The following REPS2 variants were observed in gnomAD, a reference collection of about 807,000 sequenced individuals.
REPS2 encodes RALBP1 associated Eps domain containing 2, also known as ralBP1-associated Eps domain-containing protein 2.
In REPS2, 23 loss-of-function variants were observed where a neutral mutation model predicts 53.6. The ratio of observed to expected loss-of-function variants is 0.43; its 90% CI spans 0.31 to 0.61. The LOEUF (loss-of-function observed/expected upper bound fraction) is 0.61, where lower values mean the gene tolerates loss of function less well. Among genes scored for constraint, REPS2 ranks in the 20% least tolerant of loss-of-function variants. The pLI is 0.11. For missense variants in REPS2, 446 were observed against 534.9 expected, an observed-to-expected ratio of 0.83 and a Z score of 1.64; for synonymous variants, 238 against 218.6, an observed-to-expected ratio of 1.09 and a Z score of -0.78.
chrX:17,128,578 C>CGTGGGCCTCCCCGT (rs1418276635), intron 14 of REPS2, among the ~76,000 whole-genome samples: 3 of 112,060 alleles, frequency 2.7e-5, no homozygotes, highest in Non-Finnish European at 5.6e-5. Context: ...TCCCCGTACC[C>CGTGGGCCTCCCCGT]ATGTCCCAAG....
At chrX:17,111,054 A>G (rs2062963502) in intron 14 of REPS2, among the ~76,000 whole-genome samples, 1 of 111,790 alleles carries the variant, frequency 8.9e-6, no homozygotes, top group South Asian at 3.7e-4. Context: ...AGCATTTTGG[A>G]TTTTGTATTT....
intron 1 of REPS2, among the ~76,000 whole-genome samples, chrX:16,982,579 A>G (rs6632941): frequency 3.9e-4 from 44 of 112,123 alleles, no homozygotes; most frequent in African/African-American, 1.3e-3. Flanking sequence ...TTCTTCTAGT[A>G]TAGAATGTTA....
At chrX:16,959,322 C>T (rs1271001024) in intron 1 of REPS2, among the ~76,000 whole-genome samples, 1 of 112,046 alleles carries the variant, frequency 8.9e-6, no homozygotes, top group Non-Finnish European at 1.9e-5. Context: ...TGGCCTCACT[C>T]CTGGGCTCAA....
In REPS2 at chrX:17,150,224, C is replaced by T. The variant is rs1181021624; in HGVS notation, c.*2743C>T. 2 of 112,187 alleles carry T rather than the reference C, an allele frequency of 1.8e-5. No homozygotes were observed. Among genetic ancestry groups the T allele is most frequent in the African/African-American group, 3.3e-5 (1 of 30,705 alleles). 9.2% of individuals were successfully genotyped at this position (112,187 alleles called of 1,213,427 possible). A position where few individuals can be genotyped will look rare whatever the true frequency, so the allele number is the denominator to read the frequency against. ...CCTTTAATGTGATTTATAAGATGGC[C>T]GAATTACTGAAATCACCATTATACC... On this transcript the variant is annotated 3_prime_UTR_variant, in exon 18 of 18. Coordinates refer to ENST00000357277, the MANE Select transcript of REPS2 (RefSeq NM_004726.3).
chrX:17,146,241 T>A (rs150649801), intron 17 of REPS2, among the ~76,000 whole-genome samples: 1,448 of 111,413 alleles, frequency 0.013, 7 homozygotes, highest in Middle Eastern at 0.064. Flanking sequence ...TTCCTGCCAA[T>A]GTCTTCCTTG....
At chrX:17,059,763 A>G (rs972346458) in intron 8 of REPS2, among the ~76,000 whole-genome samples, 1 of 110,876 alleles carries the variant, frequency 9.0e-6, no homozygotes, top group Admixed American at 9.6e-5. Flanking sequence ...CACCCACCAC[A>G]CCTGGCCTGT....
chrX:17,025,312 C>T, intron 4 of REPS2, 127 bp downstream of exon 4: 2 of 717,186 alleles, frequency 2.8e-6, no homozygotes, highest in Non-Finnish European at 1.9e-6. Flanking sequence ...AAACATGGCT[C>T]AATTTAATTT....
At chrX:16,962,670 T>C (rs1190514308) in intron 1 of REPS2, among the ~76,000 whole-genome samples, 1 of 112,050 alleles carries the variant, frequency 8.9e-6, no homozygotes, top group Non-Finnish European at 1.9e-5. Context: ...CTCTTACCTC[T>C]TCTCCCCACA....
In REPS2 at chrX:16,946,724, C is replaced by CGTGGGGGTG; in HGVS notation, c.-133_-125dup. 7 of 635,739 alleles carry CGTGGGGGTG rather than the reference C, an allele frequency of 1.1e-5. No individual in the cohort carries two copies. Among genetic ancestry groups the CGTGGGGGTG allele is most frequent in the Non-Finnish European group, 1.3e-5 (7 of 541,866 alleles). 52.4% of individuals were successfully genotyped at this position (635,739 alleles called of 1,213,427 possible). On this transcript the variant is annotated 5_prime_UTR_variant, in exon 1 of 18. Coordinates refer to ENST00000357277, the MANE Select transcript of REPS2 (RefSeq NM_004726.3). Reference sequence around the variant, plus strand: ...AAGCGGCCGCGCGGCAGCTGCGGGGCGTGGGGGTGGTGGTGGCGGCGGCGG... The same window carrying CGTGGGGGTG: ...AAGCGGCCGCGCGGCAGCTGCGGGGCGTGGGGGTGGTGGGGGTGGTGGTGGCGGCGGCGG...
chrX:17,134,864 C>T (rs2063343306), intron 15 of REPS2, among the ~76,000 whole-genome samples: 1 of 110,330 alleles, frequency 9.1e-6, no homozygotes, highest in African/African-American at 3.3e-5. Flanking sequence ...CCTCGTGATC[C>T]GACCGTCTCG....
At chrX:17,063,697 T>G (rs752738573) in intron 9 of REPS2, among the ~76,000 whole-genome samples, 1 of 111,499 alleles carries the variant, frequency 9.0e-6, no homozygotes, top group Non-Finnish European at 1.9e-5. Context: ...AAGAGAGAGA[T>G]AAAATAGTTT....
the REPS2 span, among the ~76,000 whole-genome samples, chrX:17,193,177 T>C: frequency 6.2e-5 from 7 of 112,397 alleles, no homozygotes; most frequent in African/African-American, 2.3e-4. Flanking sequence ...TACCAAACAG[T>C]CTTCTAAAGC....
intron 13 of REPS2, among the ~76,000 whole-genome samples, chrX:17,083,852 G>C (rs1452725535): frequency 9.0e-6 from 1 of 110,830 alleles, no homozygotes; most frequent in Non-Finnish European, 1.9e-5. Flanking sequence ...CAATTTGGCA[G>C]TCTGGGCAGT....
At chrX:17,079,139 A>G (rs944128146) in intron 13 of REPS2, among the ~76,000 whole-genome samples, 2 of 112,217 alleles carry the variant, frequency 1.8e-5, no homozygotes, top group African/African-American at 6.5e-5. Context: ...TCATGTTGGC[A>G]CTAAAAAGTT....
intron 1 of REPS2, among the ~76,000 whole-genome samples, chrX:16,951,544 CACACACACACA>C (rs2060508598): frequency 2.4e-5 from 1 of 42,351 alleles, no homozygotes; most frequent in African/African-American, 5.9e-5. Context: ...CACACACACA[CACACACACACA>C]CACACCCCCG....
chrX:17,137,961 G>C (rs745692746), intron 16 of REPS2: 1 of 112,394 alleles, frequency 8.9e-6, no homozygotes, highest in African/African-American at 3.2e-5. Context: ...TTCTAGTTCA[G>C]TTGCTCTTTT....
At chrX:17,181,005 T>C in the REPS2 span, among the ~76,000 whole-genome samples, 1 of 112,042 alleles carries the variant, frequency 8.9e-6, no homozygotes. Context: ...ATCAGAAATA[T>C]TTTGAAATAT....
chrX:16,998,071 C>CCCCCATCT (rs952750562), intron 1 of REPS2, among the ~76,000 whole-genome samples: 5 of 51,425 alleles, frequency 9.7e-5, no homozygotes, highest in Non-Finnish European at 1.6e-4. Flanking sequence ...ACAGGGAGAC[C>CCCCCATCT]CCCCATCTCT....
chrX:17,140,363 CT>C (rs1459285355), intron 17 of REPS2, among the ~76,000 whole-genome samples: 1 of 110,561 alleles, frequency 9.0e-6, no homozygotes, highest in African/African-American at 3.3e-5. Flanking sequence ...TTCACTGGTG[CT>C]TCCCATTTTC....
Sources: gnomAD v4.1 joint callset for allele counts (sites outside exome capture counted in the v4.1 genomes callset) on GRCh38, gnomAD v4.1.1 for gene constraint, MANE v1.5 for transcripts, NCBI Gene and HGNC (gene_info 2026-07-23, HGNC 2026-07-21) for gene names.